Variants in TUNAR observed in about 807,000 individuals in gnomAD.
The protein encoded by TUNAR is protein TUNAR.
intron 2 of TUNAR, among the ~76,000 whole-genome samples, chr14:95,898,030 T>C (rs1315085243): frequency 1.3e-5 from 2 of 152,194 alleles, no homozygotes; most frequent in Admixed American, 1.3e-4. Context: ...TCTCCAGGGC[T>C]GCTGCCCCCA....
intron 2 of TUNAR, among the ~76,000 whole-genome samples, chr14:95,913,086 T>A (rs1169727257): frequency 6.9e-6 from 1 of 144,222 alleles, no homozygotes; most frequent in Non-Finnish European, 1.5e-5. Flanking sequence ...CCACCGCGCC[T>A]AGCCGGGCAT....
exon 3 of TUNAR, chr14:95,923,793 G>T (rs1889738979): frequency 6.6e-6 from 1 of 151,978 alleles, no homozygotes; most frequent in African/African-American, 2.4e-5. Flanking sequence ...CCATGGTTTT[G>T]GGTGCATGTT....
At chr14:95,896,415 T>G (rs143282516) in intron 2 of TUNAR, among the ~76,000 whole-genome samples, 73 of 152,310 alleles carry the variant, frequency 4.8e-4, no homozygotes, top group African/African-American at 1.7e-3. Flanking sequence ...ACTTCATTTG[T>G]GGCATCAAGG....
At chr14:95,877,977 A>G (rs571235982) in intron 2 of TUNAR, among the ~76,000 whole-genome samples, 9 of 152,264 alleles carry the variant, frequency 5.9e-5, no homozygotes, top group Non-Finnish European at 1.3e-4. Context: ...CTGTGTGCCC[A>G]GCACATGCTA....
chr14:95,888,813 G>T (rs1023945155), intron 2 of TUNAR, among the ~76,000 whole-genome samples: 6 of 152,062 alleles, frequency 3.9e-5, no homozygotes, highest in Non-Finnish European at 4.4e-5. Flanking sequence ...GGGATGGGGG[G>T]GGCAGTTAGA....
At chr14:95,904,538 C>A (rs1889401835) in intron 2 of TUNAR, among the ~76,000 whole-genome samples, 2 of 152,172 alleles carry the variant, frequency 1.3e-5, no homozygotes, top group African/African-American at 4.8e-5. Context: ...ACAGCCCAGG[C>A]CAGGGTCACC....
intron 2 of TUNAR, among the ~76,000 whole-genome samples, chr14:95,916,600 C>T (rs1181469319): frequency 6.6e-6 from 1 of 152,186 alleles, no homozygotes; most frequent in Non-Finnish European, 1.5e-5. Flanking sequence ...TATCCATGTA[C>T]CCTGCTGCTC....
In TUNAR at chr14:95,881,862, G is replaced by A. The variant is rs140777176; in HGVS notation, c.12+4685G>A. 5.2e-4 allele frequency among the ~76,000 whole-genome samples: 79 copies of A among 152,274 alleles called. 1 individual carries two copies. Among genetic ancestry groups the A allele is most frequent in the African/African-American group, 1.7e-3 (70 of 41,564 alleles). ...CTGAAATACTCTGTCACCCCATTGC[G>A]TGGCTTTACATTCTGCTAACGATAC... is the stretch of plus-strand genomic sequence containing the variant. On this transcript the variant is annotated intron_variant, in intron 2 of 2. Coordinates refer to ENST00000678517, the Ensembl canonical transcript of TUNAR.
chr14:95,891,587 C>T (rs574986591), intron 2 of TUNAR, among the ~76,000 whole-genome samples: 1 of 152,326 alleles, frequency 6.6e-6, no homozygotes, highest in African/African-American at 2.4e-5. Flanking sequence ...AGGAATTGGA[C>T]CAGAGTCTCT....
chr14:95,881,860 G>C (rs1356980200), intron 2 of TUNAR, among the ~76,000 whole-genome samples: 1 of 152,188 alleles, frequency 6.6e-6, no homozygotes, highest in African/African-American at 2.4e-5. Context: ...TCACCCCATT[G>C]CGTGGCTTTA....
At chr14:95,904,088 T>G (rs1008708872) in intron 2 of TUNAR, among the ~76,000 whole-genome samples, 5 of 152,238 alleles carry the variant, frequency 3.3e-5, no homozygotes, top group African/African-American at 1.2e-4. Context: ...TAATCCCCCA[T>G]TGCTGGGCAA....
chr14:95,895,473 C>T lies in TUNAR; in HGVS notation c.12+18296C>T, dbSNP rs948797282. 7.9e-5 allele frequency among the ~76,000 whole-genome samples: 12 copies of T among 151,962 alleles called. No homozygotes were observed. The highest frequency in any genetic ancestry group is 1.5e-4 in the Non-Finnish European group (10 of 68,004). On this transcript the variant is annotated intron_variant, in intron 2 of 2. Transcript: ENST00000678517. The surrounding 1 kb of genome is among the most constrained non-coding windows in gnomAD (Gnocchi z 4.5). ...TGTGCATGCATAGGAGGAAAGGGAG[C>T]GGAGAGTTGTCAAATGAGGCAAGCC...
chr14:95,904,243 C>G (rs988369061), intron 2 of TUNAR, among the ~76,000 whole-genome samples: 1 of 152,162 alleles, frequency 6.6e-6, no homozygotes, highest in Non-Finnish European at 1.5e-5. Flanking sequence ...TGTGGGGGGG[C>G]CTGGGTGGTT....
intron 2 of TUNAR, among the ~76,000 whole-genome samples, chr14:95,894,840 G>A (rs713104): frequency 0.32 from 48,965 of 152,050 alleles, 8,793 homozygotes; most frequent in Non-Finnish European, 0.41. Context: ...TGTAGATGCG[G>A]TTGCAGTGAA....
intron 2 of TUNAR, among the ~76,000 whole-genome samples, chr14:95,886,787 G>T (rs2139654174): frequency 6.6e-6 from 1 of 152,342 alleles, no homozygotes; most frequent in East Asian, 1.9e-4. Flanking sequence ...CCAATGCCCA[G>T]TGCCCATTGC....
At chr14:95,894,328 G>A (rs537345777) in intron 2 of TUNAR, among the ~76,000 whole-genome samples, 25 of 152,338 alleles carry the variant, frequency 1.6e-4, no homozygotes, top group Admixed American at 1.4e-3. Context: ...GCTATGTGCT[G>A]CATTTGTGCA....
At chr14:95,880,803 G>C (rs1241650350) in intron 2 of TUNAR, among the ~76,000 whole-genome samples, 2 of 152,142 alleles carry the variant, frequency 1.3e-5, no homozygotes, top group Non-Finnish European at 2.9e-5. Flanking sequence ...CTGAGGTCAG[G>C]CTCCCTGGTG....
At chr14:95,879,718 T>TTC in intron 2 of TUNAR, among the ~76,000 whole-genome samples, 1 of 152,278 alleles carries the variant, frequency 6.6e-6, no homozygotes, top group African/African-American at 2.4e-5. Flanking sequence ...TTTTTTTTTT[T>TTC]CTGTAAGATC....
chr14:95,894,587 C>A (rs1052865422), intron 2 of TUNAR, among the ~76,000 whole-genome samples: 2 of 152,142 alleles, frequency 1.3e-5, no homozygotes, highest in Admixed American at 1.3e-4. Context: ...GTAAACTGTT[C>A]CCAATCGATT....
Sources: gnomAD v4.1 joint callset for allele counts (sites outside exome capture counted in the v4.1 genomes callset) on GRCh38, gnomAD v4.1.1 for gene constraint, Gnocchi (gnomAD v3.1) non-coding constraint, MANE v1.5 for transcripts, NCBI Gene and HGNC (gene_info 2026-07-23, HGNC 2026-07-21) for gene names.